SLC4A10: variants seen among roughly 807,000 people sequenced by gnomAD.
The protein encoded by SLC4A10 is solute carrier family 4 member 10, also known as sodium-driven chloride bicarbonate exchanger.
Under a neutral mutation model 137.7 loss-of-function variants are expected in SLC4A10, and 42 were observed. The observed-to-expected ratio is 0.30, with a 90% confidence interval of 0.24 to 0.39. The LOEUF (loss-of-function observed/expected upper bound fraction) is 0.39, where lower values mean the gene tolerates loss of function less well. Ranked by LOEUF, SLC4A10 falls within the 10% of genes least tolerant of loss-of-function variation. The probability of loss-of-function intolerance (pLI) is 1.00; values close to 1 mark genes in which losing one functional copy is unlikely to be tolerated. For missense variants in SLC4A10, 925 were observed against 1,355.0 expected (o/e 0.68, Z 4.98); for synonymous variants, 474 against 464.1 (o/e 1.02, Z -0.27).
intron 1 of SLC4A10, among the ~76,000 whole-genome samples, chr2:161,648,048 C>T (rs10930027): frequency 0.93 from 140,877 of 152,272 alleles, 65,202 homozygotes; most frequent in East Asian, 1. Context: ...CTGTGTTCTA[C>T]ATCTGTATGA....
chr2:161,820,040 A>G (rs1461156068), intron 3 of SLC4A10, among the ~76,000 whole-genome samples: 1 of 152,198 alleles, frequency 6.6e-6, no homozygotes, highest in Non-Finnish European at 1.5e-5. Context: ...TAGCTAATGT[A>G]TAAGAAGTAG....
At chr2:161,837,870 T>C (rs1269392725) in intron 3 of SLC4A10, among the ~76,000 whole-genome samples, 3 of 152,174 alleles carry the variant, frequency 2.0e-5, no homozygotes, top group Non-Finnish European at 2.9e-5. Flanking sequence ...GCCCTTATGA[T>C]TGGGATTAGT....
rs150286840 is a variant in SLC4A10 at position 161,634,255 on chromosome 2, T to C, written c.48+9689T>C. The stretch of plus-strand genomic sequence containing the variant: ...GTGTTTGAGGTTTTCATGGTTAGAT[T>C]GAGGTTATGCATTGTTTGTCAATAA... On this transcript the variant is annotated intron_variant, in intron 1 of 26. Coordinates refer to ENST00000446997, the MANE Select transcript of SLC4A10 (RefSeq NM_001178015.2). 2.6e-5 allele frequency among the ~76,000 whole-genome samples: 4 copies of C among 152,014 alleles called. No individual in the cohort carries two copies. The East Asian group carries it at 7.7e-4, about 29-fold the overall frequency.
intron 1 of SLC4A10, among the ~76,000 whole-genome samples, chr2:161,663,918 A>G (rs1055856935): frequency 1.3e-5 from 2 of 151,982 alleles, no homozygotes; most frequent in African/African-American, 4.8e-5. Flanking sequence ...ATAACTGCAT[A>G]CATTTTTTGT....
intron 15 of SLC4A10, among the ~76,000 whole-genome samples, chr2:161,930,235 G>A (rs965085357): frequency 2.0e-5 from 3 of 152,116 alleles, no homozygotes; most frequent in African/African-American, 7.2e-5. Flanking sequence ...GAAATCACAT[G>A]CACTGCTGGA....
chr2:161,690,913 G>T (rs552193605), intron 1 of SLC4A10, among the ~76,000 whole-genome samples: 1 of 152,032 alleles, frequency 6.6e-6, no homozygotes, highest in Non-Finnish European at 1.5e-5. Flanking sequence ...TAACAAACCT[G>T]CATGTCCTGT....
chr2:161,728,390 C>G (rs1001289158), intron 1 of SLC4A10, among the ~76,000 whole-genome samples: 2 of 152,106 alleles, frequency 1.3e-5, no homozygotes, highest in Non-Finnish European at 2.9e-5. Context: ...GCCTGACCAA[C>G]ATGGTGAAAC....
At chr2:161,681,676 CAGGACATTTACAGCT>C (rs1253094891) in intron 1 of SLC4A10, among the ~76,000 whole-genome samples, 1 of 152,118 alleles carries the variant, frequency 6.6e-6, no homozygotes, top group Non-Finnish European at 1.5e-5. Flanking sequence ...GTTTCATCTG[CAGGACATTTACAGCT>C]ATTTAAATAC....
At chr2:161,817,312 C>G (rs553663036) in intron 3 of SLC4A10, among the ~76,000 whole-genome samples, 1 of 152,162 alleles carries the variant, frequency 6.6e-6, no homozygotes, top group Non-Finnish European at 1.5e-5. Flanking sequence ...CCTTTGCCCA[C>G]TTTTTGATGG....
At chr2:161,703,482 G>C (rs1574456746) in intron 1 of SLC4A10, among the ~76,000 whole-genome samples, 2 of 151,630 alleles carry the variant, frequency 1.3e-5, no homozygotes, top group Admixed American at 1.3e-4. Context: ...GGTTATCTCT[G>C]TATAATGAAA....
chr2:161,801,805 G>C (rs2055392587), intron 2 of SLC4A10, among the ~76,000 whole-genome samples: 2 of 151,960 alleles, frequency 1.3e-5, no homozygotes, highest in Admixed American at 1.3e-4. Flanking sequence ...GAATGATATA[G>C]CTACTAATAT....
At position 161,661,069 on chromosome 2, in the gene SLC4A10, C is replaced by T. The variant is rs570299071; in HGVS notation, c.48+36503C>T. On this transcript the variant is annotated intron_variant, in intron 1 of 26. Coordinates refer to ENST00000446997, the MANE Select transcript of SLC4A10 (RefSeq NM_001178015.2). ...TTGTCCATTTAAAATTATAGCTTAA[C>T]GATTTTTAATTTATATCATATAATT... Among the ~76,000 whole-genome samples the T allele has an allele frequency of 9.1e-4, 138 of 152,212 alleles. No homozygotes were observed. The South Asian group carries it at 0.012, about 13-fold the overall frequency.
chr2:161,964,336 T>C (rs1316301668), intron 22 of SLC4A10, 28 bp downstream of exon 22: 2 of 1,609,148 alleles, frequency 1.2e-6, no homozygotes, highest in African/African-American at 2.7e-5. Flanking sequence ...ACTATTTTTC[T>C]CTTTCTCTGA....
intron 15 of SLC4A10, among the ~76,000 whole-genome samples, chr2:161,910,720 AT>A (rs1028727167): frequency 1.3e-5 from 2 of 151,934 alleles, no homozygotes; most frequent in African/African-American, 2.4e-5. Context: ...GTTATGAGAA[AT>A]TTTTTTATTT....
chr2:161,910,616 C>T (rs1685591879), intron 15 of SLC4A10, among the ~76,000 whole-genome samples: 1 of 151,992 alleles, frequency 6.6e-6, no homozygotes, highest in African/African-American at 2.4e-5. Context: ...TGTGTAGGGT[C>T]TGATTATCTC....
chr2:161,626,919 T>C (rs967404258), intron 1 of SLC4A10, among the ~76,000 whole-genome samples: 1 of 152,270 alleles, frequency 6.6e-6, no homozygotes, highest in African/African-American at 2.4e-5. Context: ...ATCAGACGAC[T>C]TTGCAAATAA....
chr2:161,982,064 A>G (rs1056344209), intron 26 of SLC4A10, among the ~76,000 whole-genome samples: 4 of 152,230 alleles, frequency 2.6e-5, no homozygotes, highest in African/African-American at 9.6e-5. Flanking sequence ...AGAAAAATGG[A>G]GTTTTATTAC....
At chr2:161,739,201 A>G (rs577481388) in intron 1 of SLC4A10, among the ~76,000 whole-genome samples, 1 of 152,192 alleles carries the variant, frequency 6.6e-6, no homozygotes, top group South Asian at 2.1e-4. Flanking sequence ...TTGCATAGTC[A>G]TACTTGCATC....
intron 2 of SLC4A10, among the ~76,000 whole-genome samples, chr2:161,794,342 G>A (rs915577503): frequency 2.6e-5 from 4 of 152,032 alleles, no homozygotes; most frequent in Admixed American, 6.6e-5. Flanking sequence ...ATACTGTATC[G>A]TATACTTAAA....
Sources: gnomAD v4.1 joint callset for allele counts (sites outside exome capture counted in the v4.1 genomes callset) on GRCh38, gnomAD v4.1.1 for gene constraint, MANE v1.5 for transcripts, NCBI Gene and HGNC (gene_info 2026-07-23, HGNC 2026-07-21) for gene names.